Variants in USP33 observed in about 807,000 individuals in gnomAD.
USP33 encodes the protein ubiquitin carboxyl-terminal hydrolase 33.
USP33 carries 46 observed loss-of-function variants against 124.2 expected under a neutral mutation model. That is an observed-to-expected ratio of 0.37 (90% CI 0.29 to 0.47). The LOEUF is 0.47. USP33 is among the 20% of genes least tolerant of loss of function. The pLI, the probability that USP33 is intolerant of heterozygous loss-of-function variation, is 0.99. For missense variants in USP33, 851 were observed against 1,070.6 expected (o/e 0.79, Z 2.86); for synonymous variants, 350 against 352.3 (o/e 0.99, Z 0.07).
At position 77,711,761 on chromosome 1, in the gene USP33, C is replaced by T. The variant is rs1178802054; in HGVS notation, c.2392G>A (p.Glu798Lys). The change falls in exon 21 of 24, where the codon GAA becomes AAA. Residue 798 changes from glutamate (E) to lysine (K), a missense_variant. Around this residue, in one of 4 missense-constraint regions of USP33, gnomAD observed 142 missense variants for 141.8 expected, o/e 1.00. Transcript: ENST00000370794. ...CACTTTTTTACCCGAATAAAAATTT[C>T]CAATTCAGTTTTTCTTCTTTTTTCA... ...KIEKRRKTEL[E>K]IFIRLNRAFQ... 1 of 1,606,968 alleles carries T rather than the reference C, an allele frequency of 6.2e-7. No homozygotes were observed. Among genetic ancestry groups the T allele is most frequent in the Non-Finnish European group, 8.5e-7 (1 of 1,178,338 alleles).
rs545110195 is a variant in USP33, at chr1:77,710,870, T to C, written c.2406+877A>G. Among the ~76,000 whole-genome samples, 50 of 152,332 alleles carry C rather than the reference T, an allele frequency of 3.3e-4. 3 individuals are homozygous for C. Among genetic ancestry groups the C allele is most frequent in the African/African-American group, 1.2e-3 (50 of 41,588 alleles). Reference sequence around the variant, plus strand: ...TTGTCTTAAATAGTTGGAGTTATGTTACTGACAACAGTACTGCAGAGACTT... The same window carrying C: ...TTGTCTTAAATAGTTGGAGTTATGTCACTGACAACAGTACTGCAGAGACTT... On this transcript the variant is annotated intron_variant, in intron 21 of 23. Coordinates refer to ENST00000370794, the MANE Select transcript of USP33 (RefSeq NM_201624.3).
chr1:77,727,265 A>C (rs991896708), intron 10 of USP33, among the ~76,000 whole-genome samples: 2 of 152,240 alleles, frequency 1.3e-5, no homozygotes, highest in African/African-American at 4.8e-5. Context: ...CTAAAAGCTC[A>C]GACTCCTGAT....
intron 4 of USP33, among the ~76,000 whole-genome samples, chr1:77,739,888 CA>C (rs1399610664): frequency 3.9e-5 from 6 of 152,110 alleles, no homozygotes; most frequent in Non-Finnish European, 5.9e-5. Context: ...TTAAGCCCTA[CA>C]AAAAATGATC....
At chr1:77,730,847 T>C (rs963137937) in intron 7 of USP33, 116 bp from the exon 8 acceptor site, 2 of 603,212 alleles carry the variant, frequency 3.3e-6, no homozygotes, top group Admixed American at 7.2e-5. Flanking sequence ...CTTTCTTTGA[T>C]CCCTCTTACA....
At chr1:77,721,568 C>T in intron 14 of USP33, 2 of 488,116 alleles carry the variant, frequency 4.1e-6, no homozygotes, top group Non-Finnish European at 7.2e-6. Context: ...GTTGAGTTTG[C>T]CCTTCTATGG....
chr1:77,711,572 A>T, intron 21 of USP33, 175 bp downstream of exon 21: 1 of 1,016,182 alleles, frequency 9.8e-7, no homozygotes, highest in Admixed American at 3.4e-5. Context: ...AAGGGAGAAC[A>T]TAACTCAACA....
At position 77,728,465 on chromosome 1, in the gene USP33, T is replaced by A; in HGVS notation, c.965A>T (p.Asp322Val). The change falls in exon 10 of 24, where the codon GAT becomes GTT. Residue 322 changes from aspartate to valine, a missense_variant. This residue lies in a region of USP33 where 207 missense variants were observed against 200.9 expected (regional missense o/e 1.03). Coordinates refer to ENST00000370794, the MANE Select transcript of USP33 (RefSeq NM_201624.3). ...NNETTMLIQD[D>V]ENNSEMSKDW... Reference sequence around the variant, plus strand: ...CTTTGACATTTCTGAATTGTTTTCATCATCCTGAATTAACATTGTTGTTTC... The same window carrying A: ...CTTTGACATTTCTGAATTGTTTTCAACATCCTGAATTAACATTGTTGTTTC... The A allele has an allele frequency of 6.2e-7, 1 of 1,614,074 alleles. No homozygotes were observed. The highest frequency in any genetic ancestry group is 1.3e-5 in the African/African-American group (1 of 75,052).
chr1:77,751,851 G>C (rs902066872), intron 1 of USP33, among the ~76,000 whole-genome samples: 5 of 151,882 alleles, frequency 3.3e-5, no homozygotes, highest in African/African-American at 1.2e-4. Context: ...ATCACACCCA[G>C]CTAATTTTTT....
At chr1:77,711,640 C>G in intron 21 of USP33, 107 bp downstream of exon 21, 1 of 1,511,604 alleles carries the variant, frequency 6.6e-7, no homozygotes, top group Non-Finnish European at 8.8e-7. Context: ...CACTTGAAAT[C>G]TATTACAACT....
Position 77,697,363 on chromosome 1 carries a change from A to C in USP33, c.2690T>G (p.Ile897Arg). 1.2e-6 allele frequency: 2 copies of C among 1,612,358 alleles called. No individual in the cohort carries two copies. Among genetic ancestry groups the C allele is most frequent in the South Asian group, 2.2e-5 (2 of 90,634 alleles). Residue 897 changes from isoleucine to arginine, a missense_variant, in exon 24 of 24, where the codon ATA becomes AGA. By Grantham distance (97) the Ile-to-Arg change is moderately conservative. Transcript: ENST00000370794. ...RPPVVHVDPD[I>R]LQAEEKIEVE... ...TTCAATTTTTTCTTCTGCTTGAAGT[A>C]TATCTGGATCAACATGAACAACCGG... is the stretch of plus-strand genomic sequence containing the variant.
chr1:77,701,661 T>C (rs546118962), intron 21 of USP33, 190 bp from the exon 22 acceptor site: 5 of 465,366 alleles, frequency 1.1e-5, no homozygotes, highest in South Asian at 8.3e-5. Flanking sequence ...AAAAACATTA[T>C]TTTTTATTTT....
At chr1:77,757,399 G>GT (rs1342696397) in intron 1 of USP33, among the ~76,000 whole-genome samples, 1 of 152,114 alleles carries the variant, frequency 6.6e-6, no homozygotes, top group Non-Finnish European at 1.5e-5. Context: ...TATACATATT[G>GT]TTTCTTAAAG....
chr1:77,723,669 GT>G lies in USP33; in HGVS notation c.1277-227del, dbSNP rs567520137. Among the ~76,000 whole-genome samples the G allele has an allele frequency of 3.1e-4, 47 of 151,022 alleles. 1 individual carries two copies. The South Asian group carries it at 8.8e-3, about 28-fold the overall frequency. On this transcript the variant is annotated intron_variant, in intron 11 of 23. Coordinates refer to ENST00000370794, the MANE Select transcript of USP33 (RefSeq NM_201624.3). ...CTTAAGATATTTGTTGTTTTTTTTT[GT>G]TTTTTTGTTTTGAGGTGGAGTCTCG...
chr1:77,723,502 A>T, intron 11 of USP33, 59 bp from the exon 12 acceptor site: 1 of 1,176,120 alleles, frequency 8.5e-7, no homozygotes, highest in Non-Finnish European at 1.2e-6. Context: ...TTTTCTCTGG[A>T]ATCTTTTTTT....
At position 77,726,477 on chromosome 1, in the gene USP33, T is replaced by C. The variant is rs767820799; in HGVS notation, c.1136-715A>G. On this transcript the variant is annotated intron_variant, in intron 10 of 23. Transcript: ENST00000370794. ...TGCGCAACATCATGAGACCCCCATC[T>C]CTACAAAAAAATCTAAAAATTAGCT... Among the ~76,000 whole-genome samples the C allele has an allele frequency of 3.3e-5, 5 of 151,810 alleles. No homozygotes were observed. The South Asian group carries it at 6.2e-4, about 19-fold the overall frequency.
rs751948861 is a variant in USP33, at chr1:77,741,684, C to T, written c.14G>A (p.Arg5Gln). Residue 5 changes from arginine to glutamine, a missense_variant, in exon 2 of 24, where the codon CGA becomes CAA. This residue lies in a region of USP33 where 221 missense variants were observed against 302.9 expected (regional missense o/e 0.73). Coordinates refer to ENST00000370794, the MANE Select transcript of USP33 (RefSeq NM_201624.3). MSAF[R>Q]NHCPHLDSVG... Reference sequence around the variant, plus strand: ...TGAATCCAAATGTGGACAATGATTTCGAAAAGCTGACATTTTGTTAGGAAT... The same window carrying T: ...TGAATCCAAATGTGGACAATGATTTTGAAAAGCTGACATTTTGTTAGGAAT... 6.9e-6 allele frequency: 11 copies of T among 1,604,336 alleles called. No homozygotes were observed. Among genetic ancestry groups the T allele is most frequent in the East Asian group, 4.5e-5 (2 of 44,454 alleles).
intron 15 of USP33, among the ~76,000 whole-genome samples, chr1:77,720,074 C>T (rs374561310): frequency 1.4e-5 from 2 of 138,982 alleles, no homozygotes; most frequent in South Asian, 2.4e-4. Flanking sequence ...GCAGGAGGAT[C>T]GCTTGTGCCC....
At chr1:77,754,383 A>C (rs1680615868) in intron 1 of USP33, among the ~76,000 whole-genome samples, 1 of 152,218 alleles carries the variant, frequency 6.6e-6, no homozygotes, top group African/African-American at 2.4e-5. Flanking sequence ...GCTACCCAAT[A>C]AAAGCAAGCC....
chr1:77,715,531 T>G (rs1366481485), intron 18 of USP33, among the ~76,000 whole-genome samples: 2 of 152,232 alleles, frequency 1.3e-5, no homozygotes, highest in African/African-American at 4.8e-5. Flanking sequence ...TAAAACAAAA[T>G]ATATCCCTTT....
Sources: allele counts gnomAD v4.1 joint callset (sites outside exome capture counted in the v4.1 genomes callset), GRCh38; gene constraint gnomAD v4.1.1; regional missense constraint gnomAD v4.1.1; transcripts MANE v1.5; gene names NCBI Gene and HGNC (gene_info 2026-07-23, HGNC 2026-07-21).